DNAH11: variants seen among roughly 807,000 people sequenced by gnomAD.
DNAH11 encodes the protein dynein axonemal heavy chain 11.
A neutral mutation model predicts 526.0 loss-of-function variants in DNAH11; 442 were observed. The ratio of observed to expected loss-of-function variants is 0.84; its 90% CI spans 0.78 to 0.91. The LOEUF (loss-of-function observed/expected upper bound fraction) is 0.91. Ranked by LOEUF, DNAH11 falls within the 40% of genes least tolerant of loss-of-function variation. DNAH11 has a pLI of 0.00. For synonymous variants in DNAH11, 2,461 were observed against 1,935.9 expected (o/e 1.27, Z -7.12); for missense variants, 6,989 against 5,448.7 (o/e 1.28, Z -8.90).
rs981629773 is a variant in DNAH11, at chr7:21,559,625, A to G, written c.715A>G (p.Ile239Val). The change falls in exon 4 of 82, where the codon ATA becomes GTA. Residue 239 changes from isoleucine (I) to valine (V), a missense_variant. Transcript: ENST00000409508. The stretch of plus-strand genomic sequence containing the variant: ...TAGGCCACCGTCAAACGAAAGGATA[A>G]TACTTCATGCAATTGAATCTGTGGT... ...ENKPPSNERI[I>V]LHAIESVVIE... 3.1e-6 allele frequency: 5 copies of G among 1,610,142 alleles called. No individual in the cohort carries two copies. Among genetic ancestry groups the G allele is most frequent in the South Asian group, 1.1e-5 (1 of 89,946 alleles).
chr7:21,706,991 A>G lies in DNAH11; in HGVS notation c.6547-708A>G, dbSNP rs532470363. Among the ~76,000 whole-genome samples the G allele has an allele frequency of 4.7e-3, 719 of 152,320 alleles. 6 individuals carry two copies. The highest frequency in any genetic ancestry group is 0.017 in the African/African-American group (692 of 41,568). On this transcript the variant is annotated intron_variant, in intron 39 of 81. Coordinates refer to ENST00000409508, the MANE Select transcript of DNAH11 (RefSeq NM_001277115.2). The stretch of plus-strand genomic sequence containing the variant: ...CAATTACCAGGATCAGGGTTTGTCA[A>G]CCTCAGCACTGTTGACATTCTGGAC...
In DNAH11 at chr7:21,754,443, T is replaced by C. The variant is rs1441587993; in HGVS notation, c.8940+4079T>C. 2.0e-5 allele frequency among the ~76,000 whole-genome samples: 3 copies of C among 152,218 alleles called. No homozygotes were observed. In the East Asian group the frequency reaches 5.8e-4, roughly 29 times the overall value. On this transcript the variant is annotated intron_variant, in intron 54 of 81. Transcript: ENST00000409508. ...CTTTGGGTCTGTGTGTAGGCAGACC[T>C]TACTGAAACTGAGATCAGTTTTATA...
At chr7:21,570,986 A>T (rs1391279181) in intron 7 of DNAH11, among the ~76,000 whole-genome samples, 1 of 151,910 alleles carries the variant, frequency 6.6e-6, no homozygotes. Context: ...GTTTTATTCC[A>T]TTCAAAATTA....
chr7:21,558,147 A>C (rs1783295785), intron 2 of DNAH11, among the ~76,000 whole-genome samples: 1 of 152,258 alleles, frequency 6.6e-6, no homozygotes, highest in African/African-American at 2.4e-5. Context: ...TATATCAGAA[A>C]AATGAAAAAA....
chr7:21,788,569 T>G (rs1788292599), intron 60 of DNAH11, among the ~76,000 whole-genome samples: 1 of 152,100 alleles, frequency 6.6e-6, no homozygotes, highest in Non-Finnish European at 1.5e-5. Flanking sequence ...ATTTCCTTCC[T>G]CTCTCCCCAC....
At chr7:21,768,746 A>G (rs999108370) in intron 55 of DNAH11, among the ~76,000 whole-genome samples, 2 of 152,186 alleles carry the variant, frequency 1.3e-5, no homozygotes, top group African/African-American at 4.8e-5. Flanking sequence ...AGTCCACTCT[A>G]AGAGGAAAGT....
intron 42 of DNAH11, among the ~76,000 whole-genome samples, chr7:21,714,125 T>A (rs181796608): frequency 6.6e-6 from 1 of 152,230 alleles, no homozygotes; most frequent in African/African-American, 2.4e-5. Flanking sequence ...TGTGGAGATT[T>A]GTGCTAACAA....
chr7:21,842,472 A>T, intron 65 of DNAH11, 72 bp from the exon 66 acceptor site: 1 of 1,286,146 alleles, frequency 7.8e-7, no homozygotes, highest in South Asian at 1.7e-5. Context: ...AGAATACAGG[A>T]ATGGAATGAC....
intron 65 of DNAH11, among the ~76,000 whole-genome samples, chr7:21,832,489 A>T (rs1280132588): frequency 6.6e-6 from 1 of 152,112 alleles, no homozygotes; most frequent in Non-Finnish European, 1.5e-5. Flanking sequence ...TTTTGAGCCT[A>T]TGTGTGTCTT....
Position 21,702,786 on chromosome 7 carries a change from A to G in DNAH11, c.6257A>G (p.Asn2086Ser). The G allele has an allele frequency of 6.2e-7, 1 of 1,613,220 alleles. No homozygotes were observed. The highest frequency in any genetic ancestry group is 8.5e-7 in the Non-Finnish European group (1 of 1,179,554). ...VAGSLKRGDK[N>S]RPEDQVLMRA... ...GGATCTCTGAAACGAGGAGATAAAA[A>G]TAGACCCGAAGATCAGGTACTGCAA... Residue 2086 changes from asparagine to serine, a missense_variant, in exon 37 of 82, where the codon AAT becomes AGT. Physicochemically the swap from Asn to Ser is conservative, Grantham distance 46. Coordinates refer to ENST00000409508, the MANE Select transcript of DNAH11 (RefSeq NM_001277115.2).
intron 54 of DNAH11, among the ~76,000 whole-genome samples, chr7:21,760,908 A>C (rs1433693144): frequency 6.6e-6 from 1 of 152,198 alleles, no homozygotes; most frequent in African/African-American, 2.4e-5. Flanking sequence ...CTAGTAATTA[A>C]ATTATAGACA....
chr7:21,673,861 G>A (rs1293581606), intron 30 of DNAH11, among the ~76,000 whole-genome samples: 1 of 151,624 alleles, frequency 6.6e-6, no homozygotes, highest in Non-Finnish European at 1.5e-5. Context: ...CTTTAACTTA[G>A]AAAATACTTC....
intron 8 of DNAH11, among the ~76,000 whole-genome samples, chr7:21,581,592 AG>A (rs1160456354): frequency 1.3e-5 from 2 of 152,194 alleles, no homozygotes; most frequent in Non-Finnish European, 2.9e-5. Context: ...AATTGGGAGT[AG>A]GAGGAGAGAC....
intron 28 of DNAH11, among the ~76,000 whole-genome samples, chr7:21,650,333 A>G (rs560056008): frequency 6.6e-6 from 1 of 152,296 alleles, no homozygotes; most frequent in East Asian, 1.9e-4. Context: ...TGAACGTTTG[A>G]CAAATATAGA....
At chr7:21,884,538 T>C (rs1784050744) in intron 76 of DNAH11, 128 bp downstream of exon 76, 1 of 1,074,260 alleles carries the variant, frequency 9.3e-7, no homozygotes, top group Non-Finnish European at 1.3e-6. Context: ...TTTTGGGAAA[T>C]TTCTTAGAAA....
chr7:21,692,630 A>G (rs1783681447), intron 35 of DNAH11, among the ~76,000 whole-genome samples: 1 of 152,192 alleles, frequency 6.6e-6, no homozygotes, highest in African/African-American at 2.4e-5. Context: ...GCGGCTATGA[A>G]CATTCACGTG....
intron 45 of DNAH11, among the ~76,000 whole-genome samples, chr7:21,726,951 T>TTTTTTTTTTTTTG (rs1562512222): frequency 1.8e-5 from 2 of 112,176 alleles, no homozygotes; most frequent in African/African-American, 3.5e-5. Flanking sequence ...TTTTTTTTTT[T>TTTTTTTTTTTTTG]GAGATGGAGT....
At chr7:21,640,224 G>A (rs745357110) in intron 28 of DNAH11, among the ~76,000 whole-genome samples, 6 of 152,192 alleles carry the variant, frequency 3.9e-5, no homozygotes, top group South Asian at 2.1e-4. Flanking sequence ...TACTATATCC[G>A]TCTTTTACAT....
intron 30 of DNAH11, among the ~76,000 whole-genome samples, chr7:21,669,354 C>G (rs561850644): frequency 6.6e-6 from 1 of 152,002 alleles, no homozygotes; most frequent in Non-Finnish European, 1.5e-5. Context: ...TTTAAAAATT[C>G]TTTTTGTAGG....
Sources: gnomAD v4.1 joint callset for allele counts (sites outside exome capture counted in the v4.1 genomes callset) on GRCh38, gnomAD v4.1.1 for gene constraint, MANE v1.5 for transcripts, NCBI Gene and HGNC (gene_info 2026-07-23, HGNC 2026-07-21) for gene names.